TYW1B: variants seen among roughly 807,000 people sequenced by gnomAD.
TYW1B encodes tRNA-yW synthesizing protein 1 homolog B.
In TYW1B, 73 loss-of-function variants were observed where a neutral mutation model predicts 86.9. That is an observed-to-expected ratio of 0.84 (90% CI 0.70 to 1.02). TYW1B has a LOEUF of 1.02. TYW1B is among the 50% of genes least tolerant of loss of function. The probability of loss-of-function intolerance (pLI) is 0.00; values close to 1 mark genes in which losing one functional copy is unlikely to be tolerated. For synonymous variants in TYW1B, 248 were observed against 292.8 expected, an observed-to-expected ratio of 0.85 and a Z score of 1.56; for missense variants, 637 against 827.4, an observed-to-expected ratio of 0.77 and a Z score of 2.82.
intron 12 of TYW1B, among the ~76,000 whole-genome samples, chr7:72,628,119 T>G (rs1260466855): frequency 1.3e-5 from 2 of 151,802 alleles, no homozygotes; most frequent in African/African-American, 4.8e-5. Context: ...CAGTGAGACC[T>G]TCTCTCTACA....
intron 11 of TYW1B, among the ~76,000 whole-genome samples, chr7:72,677,498 G>C (rs2129569855): frequency 6.6e-6 from 1 of 152,186 alleles, no homozygotes; most frequent in East Asian, 1.9e-4. Flanking sequence ...CATGGGCATG[G>C]AACATTTGTC....
At chr7:72,809,389 T>C in intron 4 of TYW1B, among the ~76,000 whole-genome samples, 1 of 152,128 alleles carries the variant, frequency 6.6e-6, no homozygotes, top group Non-Finnish European at 1.5e-5. Flanking sequence ...GACACATTCA[T>C]GCCTGTAATC....
intron 7 of TYW1B, chr7:72,769,098 G>A (rs1285935685): frequency 7.8e-6 from 3 of 383,718 alleles, no homozygotes; most frequent in Non-Finnish European, 1.5e-5. Flanking sequence ...GGATGGGCAT[G>A]CAGCAGTTTG....
intron 11 of TYW1B, among the ~76,000 whole-genome samples, chr7:72,681,474 G>T (rs1554448452): frequency 6.6e-6 from 1 of 152,112 alleles, no homozygotes; most frequent in Non-Finnish European, 1.5e-5. Context: ...TGTGGGAGGG[G>T]AGGGAAGGAG....
chr7:72,746,150 T>G (rs1787391158), intron 7 of TYW1B, among the ~76,000 whole-genome samples: 1 of 151,984 alleles, frequency 6.6e-6, no homozygotes. Flanking sequence ...TATAAGCCTA[T>G]CCACAGTGAA....
At chr7:72,748,455 T>C (rs1256050020) in intron 7 of TYW1B, among the ~76,000 whole-genome samples, 2 of 150,618 alleles carry the variant, frequency 1.3e-5, no homozygotes, top group Non-Finnish European at 3.0e-5. Flanking sequence ...TTCTTTTTCT[T>C]GACTAATTCC....
intron 13 of TYW1B, among the ~76,000 whole-genome samples, chr7:72,578,654 T>C (rs782341917): frequency 6.6e-6 from 1 of 152,178 alleles, no homozygotes; most frequent in African/African-American, 2.4e-5. Flanking sequence ...CCAAAAATCA[T>C]GATCCATCCA....
intron 11 of TYW1B, among the ~76,000 whole-genome samples, chr7:72,633,357 T>A (rs1156692265): frequency 1.3e-5 from 2 of 152,236 alleles, no homozygotes; most frequent in African/African-American, 4.8e-5. Flanking sequence ...AATTCTTTAC[T>A]GGACAAAGCC....
chr7:72,622,585 G>T (rs1393870209), intron 12 of TYW1B, among the ~76,000 whole-genome samples: 1 of 151,946 alleles, frequency 6.6e-6, no homozygotes, highest in African/African-American at 2.4e-5. Flanking sequence ...GCAGACTATG[G>T]GAGACCCCAG....
rs146428835 is a variant in TYW1B at position 72,793,466 on chromosome 7, G to C, written c.846+8934C>G. Among the ~76,000 whole-genome samples the C allele has an allele frequency of 3.5e-4, 54 of 152,194 alleles. 1 individual carries two copies. The East Asian group carries it at 0.01, about 29-fold the overall frequency. ...TACAACATTAAAAATGGCTCCCCTGGCCGGGAACGGTGGCTCACGCCTGTA... is the reference window on the plus strand; with the variant it reads ...TACAACATTAAAAATGGCTCCCCTGCCCGGGAACGGTGGCTCACGCCTGTA... On this transcript the variant is annotated intron_variant, in intron 6 of 13. Transcript: ENST00000620995.
chr7:72,582,534 A>G (rs1313444032), intron 13 of TYW1B, among the ~76,000 whole-genome samples: 2 of 152,224 alleles, frequency 1.3e-5, no homozygotes, highest in Non-Finnish European at 2.9e-5. Context: ...TGTACTTTTT[A>G]CATGCCAGTT....
chr7:72,658,746 T>A (rs574643947), intron 11 of TYW1B, among the ~76,000 whole-genome samples: 26 of 152,296 alleles, frequency 1.7e-4, no homozygotes, highest in South Asian at 6.2e-4. Flanking sequence ...TTTGAGACTG[T>A]GTCTTGCTTT....
At chr7:72,816,316 C>G (rs782776849) in intron 2 of TYW1B, among the ~76,000 whole-genome samples, 1 of 152,058 alleles carries the variant, frequency 6.6e-6, no homozygotes, top group Non-Finnish European at 1.5e-5. Flanking sequence ...GCAGAGGTTG[C>G]AGTGAGCCAA....
intron 11 of TYW1B, among the ~76,000 whole-genome samples, chr7:72,630,890 A>G (rs1347073699): frequency 6.6e-6 from 1 of 152,200 alleles, no homozygotes; most frequent in Non-Finnish European, 1.5e-5. Flanking sequence ...TCATACTTAT[A>G]TATGTAAAAA....
At chr7:72,672,126 G>A (rs1369965823) in intron 11 of TYW1B, among the ~76,000 whole-genome samples, 1 of 152,120 alleles carries the variant, frequency 6.6e-6, no homozygotes, top group East Asian at 1.9e-4. Context: ...TGAAAAAGTG[G>A]GGTTCCCCTG....
Position 72,818,133 on chromosome 7 carries a change from T to C in TYW1B, c.136-2652A>G, listed in dbSNP as rs139952312. On this transcript the variant is annotated intron_variant, in intron 2 of 13. Coordinates refer to ENST00000620995, the MANE Select transcript of TYW1B (RefSeq NM_001145440.3). ...TACTCCTTTGCTCCCTCTCTCACCA[T>C]GTGGTACCTATTCCTCCATGGGTGG... 6.6e-3 allele frequency among the ~76,000 whole-genome samples: 1,003 copies of C among 151,152 alleles called. 15 individuals are homozygous for C. The highest frequency in any genetic ancestry group is 0.021 in the African/African-American group (866 of 41,196).
intron 11 of TYW1B, among the ~76,000 whole-genome samples, chr7:72,642,406 A>G (rs564862944): frequency 1.3e-5 from 2 of 152,346 alleles, no homozygotes; most frequent in Admixed American, 6.5e-5. Context: ...AAAGTTAAAT[A>G]TAGAATTACT....
At chr7:72,777,703 G>A (rs1201424509) in intron 6 of TYW1B, among the ~76,000 whole-genome samples, 170 bp from the exon 7 acceptor site, 1 of 152,130 alleles carries the variant, frequency 6.6e-6, no homozygotes, top group Non-Finnish European at 1.5e-5. Context: ...ATCACCTGAG[G>A]TCAGGAGATC....
chr7:72,815,317 C>T (rs1788702009), intron 3 of TYW1B, 63 bp downstream of exon 3: 4 of 1,361,274 alleles, frequency 2.9e-6, no homozygotes, highest in East Asian at 2.4e-5. Flanking sequence ...ATTAAATTTA[C>T]TGTGAAGATT....
Sources: gnomAD v4.1 joint callset for allele counts (sites outside exome capture counted in the v4.1 genomes callset) on GRCh38, gnomAD v4.1.1 for gene constraint, MANE v1.5 for transcripts, NCBI Gene and HGNC (gene_info 2026-07-23, HGNC 2026-07-21) for gene names.